The following ZFAND4 variants were observed in gnomAD, a reference collection of about 807,000 sequenced individuals.
The protein encoded by ZFAND4 is AN1-type zinc finger protein 4.
ZFAND4 carries 43 observed loss-of-function variants against 64.4 expected under a neutral mutation model. The observed-to-expected ratio is 0.67, with a 90% CI of 0.52 to 0.86. The LOEUF is 0.86. Among genes scored for constraint, ZFAND4 ranks in the 40% least tolerant of loss-of-function variants. The pLI is 0.00. For synonymous variants in ZFAND4, 296 were observed against 305.7 expected (o/e 0.97, Z 0.33); for missense variants, 929 against 859.8 (o/e 1.08, Z -1.01).
chr10:45,666,239 A>C (rs528007255), intron 1 of ZFAND4, among the ~76,000 whole-genome samples: 25 of 152,162 alleles, frequency 1.6e-4, no homozygotes, highest in Non-Finnish European at 3.5e-4. Context: ...CTTTTGATTA[A>C]AGCTATCCTA....
At chr10:45,646,574 G>T (rs2047399575) in intron 5 of ZFAND4, among the ~76,000 whole-genome samples, 1 of 152,116 alleles carries the variant, frequency 6.6e-6, no homozygotes, top group African/African-American at 2.4e-5. Flanking sequence ...ACAAATAGAA[G>T]TTGGCTGAGG....
chr10:45,665,927 C>A (rs149464165), intron 1 of ZFAND4, among the ~76,000 whole-genome samples: 2,052 of 152,262 alleles, frequency 0.013, 16 homozygotes, highest in Non-Finnish European at 0.019. Context: ...GAATAATAGT[C>A]CCCTGTAGCA....
chr10:45,662,768 A>G, intron 2 of ZFAND4: 1 of 646,298 alleles, frequency 1.5e-6, no homozygotes. Flanking sequence ...TCCTTCTATA[A>G]TTCTGAACTT....
chr10:45,636,141 A>T (rs982252925), intron 6 of ZFAND4, among the ~76,000 whole-genome samples: 16 of 152,212 alleles, frequency 1.1e-4, no homozygotes, highest in Non-Finnish European at 2.1e-4. Flanking sequence ...ATATTTTTAA[A>T]AAATCAGTTC....
intron 1 of ZFAND4, among the ~76,000 whole-genome samples, chr10:45,668,009 AC>A (rs2048944941): frequency 6.6e-6 from 1 of 152,180 alleles, no homozygotes; most frequent in South Asian, 2.1e-4. Context: ...ATTTTATCAA[AC>A]GCTTTTTTCA....
chr10:45,653,754 T>G (rs187295284), intron 2 of ZFAND4, among the ~76,000 whole-genome samples: 1 of 152,156 alleles, frequency 6.6e-6, no homozygotes, highest in East Asian at 1.9e-4. Context: ...TGGAAAGCAA[T>G]GTGGAGATTT....
At chr10:45,640,252 C>T in intron 5 of ZFAND4, 1 of 1,212,254 alleles carries the variant, frequency 8.2e-7, no homozygotes, top group Non-Finnish European at 1.0e-6. Context: ...ATATCATTCC[C>T]AAAGAGGCAA....
At chr10:45,652,310 G>A (rs1010508695) in intron 3 of ZFAND4, among the ~76,000 whole-genome samples, 2 of 152,152 alleles carry the variant, frequency 1.3e-5, no homozygotes, top group African/African-American at 4.8e-5. Flanking sequence ...TCACATTAAG[G>A]AAAAGGAGGC....
rs1306682697 is a variant in ZFAND4 at position 45,626,521 on chromosome 10, C to T, written c.1302G>A (p.Gly434=). The part of the protein sequence containing the change: ...LELLLTNADK[G]LKAPEQHLKH... ...TGAGATGCTGCTCTGGAGCTTTCAACCCTTTGTCAGCATTAGTGAGTAGCA... is the reference window on the plus strand; with the variant it reads ...TGAGATGCTGCTCTGGAGCTTTCAATCCTTTGTCAGCATTAGTGAGTAGCA... Residue 434 remains glycine, a synonymous_variant, in exon 7 of 10, where the codon GGG becomes GGA. Coordinates refer to ENST00000344646, the MANE Select transcript of ZFAND4 (RefSeq NM_174890.4). 5 of 1,613,922 alleles carry T rather than the reference C, an allele frequency of 3.1e-6. No individual in the cohort carries two copies. Among genetic ancestry groups the T allele is most frequent in the Admixed American group, 1.7e-5 (1 of 60,006 alleles).
intron 4 of ZFAND4, chr10:45,651,719 C>T (rs1462722675): frequency 1.7e-6 from 1 of 577,200 alleles, no homozygotes; most frequent in African/African-American, 1.9e-5. Context: ...GTTCCCTATA[C>T]TGGCAAAAGG....
At chr10:45,672,055 G>T (rs1166835995) in intron 1 of ZFAND4, among the ~76,000 whole-genome samples, 195 bp downstream of exon 1, 1 of 151,982 alleles carries the variant, frequency 6.6e-6, no homozygotes, top group Non-Finnish European at 1.5e-5. Context: ...GGAATGTGAA[G>T]CTGCCATTAA....
chr10:45,667,133 C>T (rs2133873634), intron 1 of ZFAND4, among the ~76,000 whole-genome samples: 1 of 152,220 alleles, frequency 6.6e-6, no homozygotes, highest in East Asian at 1.9e-4. Context: ...CAGTTTATAT[C>T]TAATTTATTT....
chr10:45,654,618 A>G (rs1440786372), intron 2 of ZFAND4, among the ~76,000 whole-genome samples: 1 of 143,030 alleles, frequency 7.0e-6, no homozygotes, highest in Non-Finnish European at 1.5e-5. Flanking sequence ...ACTCCATCTC[A>G]AAAAAAAAAA....
Position 45,672,592 on chromosome 10 carries a change from C to A in ZFAND4, c.-460G>T, listed in dbSNP as rs1489061944. On this transcript the variant is annotated 5_prime_UTR_variant, in exon 1 of 10. Coordinates refer to ENST00000344646, the MANE Select transcript of ZFAND4 (RefSeq NM_174890.4). The stretch of plus-strand genomic sequence containing the variant: ...CCGGCCTTGCGCCATTCCGGCCCCA[C>A]GACGGCCGGCGGCGGCAGCGCGGCT... 2 of 151,914 alleles carry A rather than the reference C, an allele frequency of 1.3e-5. No individual in the cohort carries two copies. The highest frequency in any genetic ancestry group is 2.9e-5 in the Non-Finnish European group (2 of 68,008). 9.4% of individuals were successfully genotyped at this position (151,914 alleles called of 1,614,324 possible).
intron 2 of ZFAND4, among the ~76,000 whole-genome samples, chr10:45,657,043 CT>C (rs2048173457): frequency 6.8e-6 from 1 of 146,670 alleles, no homozygotes; most frequent in Non-Finnish European, 1.5e-5. Flanking sequence ...GAGACAGGGT[CT>C]CATCCATTGC....
At chr10:45,644,876 A>T (rs2047265162) in intron 5 of ZFAND4, among the ~76,000 whole-genome samples, 1 of 152,210 alleles carries the variant, frequency 6.6e-6, no homozygotes, top group African/African-American at 2.4e-5. Context: ...ATACTAATTT[A>T]GTACAACTTT....
intron 4 of ZFAND4, chr10:45,651,151 C>G (rs558341136): frequency 2.7e-4 from 42 of 154,112 alleles, no homozygotes; most frequent in African/African-American, 8.9e-4. Flanking sequence ...AAATGAGGTC[C>G]ACAGAAGAGG....
At position 45,616,370 on chromosome 10, in the gene ZFAND4, T is replaced by A; in HGVS notation, c.*66A>T. ...TTAGAGTCGAACAAAAATAATAGTCTAAACAACATTTCTTCTGTCATTATA... is the reference window on the plus strand; with the variant it reads ...TTAGAGTCGAACAAAAATAATAGTCAAAACAACATTTCTTCTGTCATTATA... On this transcript the variant is annotated 3_prime_UTR_variant, in exon 10 of 10. Coordinates refer to ENST00000344646, the MANE Select transcript of ZFAND4 (RefSeq NM_174890.4). The A allele has an allele frequency of 3.2e-6, 5 of 1,579,882 alleles. No homozygotes were observed. Among genetic ancestry groups the A allele is most frequent in the Non-Finnish European group, 4.3e-6 (5 of 1,163,808 alleles).
At chr10:45,670,663 A>G (rs2049122320) in intron 1 of ZFAND4, among the ~76,000 whole-genome samples, 1 of 152,166 alleles carries the variant, frequency 6.6e-6, no homozygotes, top group Admixed American at 6.5e-5. Flanking sequence ...CCTTCCTTAC[A>G]CCTTATACAA....
Sources: gnomAD v4.1 joint callset for allele counts (sites outside exome capture counted in the v4.1 genomes callset) on GRCh38, gnomAD v4.1.1 for gene constraint, MANE v1.5 for transcripts, NCBI Gene and HGNC (gene_info 2026-07-23, HGNC 2026-07-21) for gene names.